The following CASD1 variants were observed in gnomAD, a reference collection of about 807,000 sequenced individuals.
CASD1 encodes N-acetylneuraminate (7)9-O-acetyltransferase.
Under a neutral mutation model 100.0 loss-of-function variants are expected in CASD1, and 41 were observed. The observed-to-expected ratio is 0.41, with a 90% CI of 0.32 to 0.53. CASD1 has a LOEUF of 0.53. Among genes scored for constraint, CASD1 ranks in the 20% least tolerant of loss-of-function variants. The pLI is 0.25. For missense variants in CASD1, 774 were observed against 948.7 expected (o/e 0.82, Z 2.42); for synonymous variants, 321 against 315.6 (o/e 1.02, Z -0.18).
the CASD1 span, among the ~76,000 whole-genome samples, chr7:94,611,557 T>C: frequency 2.0e-5 from 3 of 152,158 alleles, no homozygotes; most frequent in Non-Finnish European, 4.4e-5. Context: ...AACAACTTTC[T>C]AAAATTGGTT....
the CASD1 span, chr7:94,586,800 C>T: frequency 6.1e-6 from 6 of 983,720 alleles, no homozygotes; most frequent in African/African-American, 1.0e-4. Flanking sequence ...CCGCACCCAG[C>T]CTCCATTTAG....
chr7:94,517,692 G>T (rs370877329), intron 2 of CASD1, 36 bp downstream of exon 2: 245 of 1,321,518 alleles, frequency 1.9e-4, no homozygotes, highest in Non-Finnish European at 2.4e-4. Flanking sequence ...TCTTTTTCAG[G>T]ATGGGTCTTA....
At chr7:94,588,569 GAC>G in the CASD1 span, 3 of 1,530,584 alleles carry the variant, frequency 2.0e-6, no homozygotes, top group South Asian at 3.6e-5. Context: ...ATTAAGGAAT[GAC>G]ACAAGTGTTT....
At chr7:94,546,702 CTTTAATG>C (rs1435557473) in intron 12 of CASD1, among the ~76,000 whole-genome samples, 1 of 151,900 alleles carries the variant, frequency 6.6e-6, no homozygotes, top group Non-Finnish European at 1.5e-5. Flanking sequence ...CTCCTTGGAA[CTTTAATG>C]TTTAAGCAAT....
At chr7:94,603,464 T>C in the CASD1 span, 1 of 1,611,778 alleles carries the variant, frequency 6.2e-7, no homozygotes, top group Non-Finnish European at 8.5e-7. Context: ...TGTAAAAATG[T>C]GAAACTCTCA....
the CASD1 span, among the ~76,000 whole-genome samples, chr7:94,594,090 G>A: frequency 6.6e-6 from 1 of 151,976 alleles, no homozygotes. Context: ...GACCTAAAAT[G>A]TTATTACTTG....
At chr7:94,588,540 T>G in the CASD1 span, 1 of 1,487,658 alleles carries the variant, frequency 6.7e-7, no homozygotes, top group African/African-American at 1.4e-5. Flanking sequence ...TAAGCTATTA[T>G]TCTGAGGTTT....
At chr7:94,527,127 A>G (rs1373284999) in intron 3 of CASD1, 35 bp from the exon 4 acceptor site, 7 of 1,508,844 alleles carry the variant, frequency 4.6e-6, no homozygotes, top group East Asian at 2.3e-5. Context: ...AATTTAATCT[A>G]TACATTAATA....
the CASD1 span, among the ~76,000 whole-genome samples, chr7:94,586,038 TA>T: frequency 5.9e-5 from 1 of 17,002 alleles, no homozygotes; most frequent in Non-Finnish European, 1.2e-4. Flanking sequence ...GATAGGAATT[TA>T]AAAGAAAACA....
At chr7:94,544,272 C>G (rs1398253408) in intron 10 of CASD1, 139 bp from the exon 11 acceptor site, 1 of 1,054,876 alleles carries the variant, frequency 9.5e-7, no homozygotes, top group Non-Finnish European at 1.4e-6. Context: ...TAATGACTAA[C>G]TTTTGAGAAT....
At chr7:94,581,042 C>G in the CASD1 span, among the ~76,000 whole-genome samples, 2 of 152,156 alleles carry the variant, frequency 1.3e-5, no homozygotes, top group Non-Finnish European at 2.9e-5. Flanking sequence ...TAGGGGTAGA[C>G]TCACATTAGA....
the CASD1 span, among the ~76,000 whole-genome samples, chr7:94,596,920 T>A: frequency 6.6e-5 from 10 of 152,196 alleles, no homozygotes; most frequent in Non-Finnish European, 1.2e-4. Context: ...AAGTACAAAT[T>A]CTTTTCATTT....
the CASD1 span, chr7:94,603,425 G>A: frequency 1.2e-6 from 2 of 1,613,222 alleles, no homozygotes; most frequent in Non-Finnish European, 1.7e-6. Flanking sequence ...AAGAAAACGG[G>A]ACATCTGCAC....
the CASD1 span, among the ~76,000 whole-genome samples, chr7:94,615,057 A>C: frequency 1.3e-5 from 2 of 152,318 alleles, no homozygotes; most frequent in South Asian, 4.1e-4. Flanking sequence ...GAGGGACATC[A>C]TTTAAGAATA....
At chr7:94,590,030 T>C in the CASD1 span, 2 of 152,190 alleles carry the variant, frequency 1.3e-5, no homozygotes, top group African/African-American at 4.8e-5. Context: ...TATTTCCTTG[T>C]ATCTATCTGC....
the CASD1 span, among the ~76,000 whole-genome samples, chr7:94,566,028 A>G: frequency 6.6e-6 from 1 of 152,168 alleles, no homozygotes; most frequent in African/African-American, 2.4e-5. Flanking sequence ...TGGCTCTAGT[A>G]CCGCTTCCAT....
Position 94,528,205 on chromosome 7 carries a change from T to C in CASD1, c.414T>C (p.Pro138=), listed in dbSNP as rs201576828. 1 of 1,609,018 alleles carries C rather than the reference T, an allele frequency of 6.2e-7. No individual in the cohort carries two copies. Among genetic ancestry groups the C allele is most frequent in the Non-Finnish European group, 8.5e-7 (1 of 1,177,380 alleles). Residue 138 remains proline (P), a synonymous_variant, in exon 5 of 18, where the codon CCT becomes CCC. Transcript: ENST00000297273. ...TCTTTTAGGATTTTCTGTGGCATCCTGAAGTTAATGGTTCTATGAAACAGT... is the reference window on the plus strand; with the variant it reads ...TCTTTTAGGATTTTCTGTGGCATCCCGAAGTTAATGGTTCTATGAAACAGT... The part of the protein sequence containing the change: ...ASVKVDFLWH[P]EVNGSMKQCI...
chr7:94,539,621 A>G (rs572057835), intron 10 of CASD1, among the ~76,000 whole-genome samples: 1 of 144,826 alleles, frequency 6.9e-6, no homozygotes, highest in South Asian at 2.2e-4. Context: ...ATGAGCCGAT[A>G]TTTCACCACT....
the CASD1 span, chr7:94,623,350 C>G: frequency 6.2e-7 from 1 of 1,602,798 alleles, no homozygotes; most frequent in African/African-American, 1.3e-5. Flanking sequence ...TATTAATTAT[C>G]AAATTATGCC....
Sources: allele counts gnomAD v4.1 joint callset (sites outside exome capture counted in the v4.1 genomes callset), GRCh38; gene constraint gnomAD v4.1.1; transcripts MANE v1.5; gene names NCBI Gene and HGNC (gene_info 2026-07-23, HGNC 2026-07-21).